RNF180: variants seen among roughly 807,000 people sequenced by gnomAD.
RNF180 encodes E3 ubiquitin-protein ligase RNF180.
RNF180 carries 38 observed loss-of-function variants against 59.2 expected under a neutral mutation model. The ratio of observed to expected loss-of-function variants is 0.64; its 90% confidence interval spans 0.50 to 0.84. The LOEUF is 0.84. Ranked by LOEUF, RNF180 falls within the 40% of genes least tolerant of loss-of-function variation. The probability of loss-of-function intolerance (pLI) is 0.00; values close to 1 mark genes in which losing one functional copy is unlikely to be tolerated. For missense variants in RNF180, 705 were observed against 700.9 expected, an observed-to-expected ratio of 1.01 and a Z score of -0.07; for synonymous variants, 262 against 240.3, an observed-to-expected ratio of 1.09 and a Z score of -0.84.
chr5:64,272,668 A>G (rs1454427179), intron 5 of RNF180, among the ~76,000 whole-genome samples: 1 of 152,054 alleles, frequency 6.6e-6, no homozygotes, highest in African/African-American at 2.4e-5. Context: ...AGCTTATTGA[A>G]GTAGTCCAAG....
chr5:64,323,714 G>A (rs978312004), intron 5 of RNF180, among the ~76,000 whole-genome samples: 10 of 152,066 alleles, frequency 6.6e-5, no homozygotes, highest in Admixed American at 1.3e-4. Flanking sequence ...AAGTATGGCC[G>A]TGGCTAACAT....
chr5:64,291,035 A>C (rs552646947), intron 5 of RNF180, among the ~76,000 whole-genome samples: 1 of 152,308 alleles, frequency 6.6e-6, no homozygotes, highest in African/African-American at 2.4e-5. Context: ...TGGTGGTGAC[A>C]AATTCCCTCA....
Position 64,214,252 on chromosome 5 carries a change from A to G in RNF180, c.926A>G (p.Glu309Gly), listed in dbSNP as rs1267919319. ...PHETQTQRGG[E>G]FQCGLEAASV... is the part of the protein sequence containing the mutation. ...GAGACCCAGACACAAAGAGGAGGAG[A>G]ATTTCAGTGTGGTCTAGAAGCTGCT... Residue 309 changes from glutamate to glycine, a missense_variant, in exon 4 of 8, where the codon GAA becomes GGA. Physicochemically the swap from Glu to Gly is moderately conservative, Grantham distance 98. Coordinates refer to ENST00000389100, the MANE Select transcript of RNF180 (RefSeq NM_001113561.2). 2.5e-6 allele frequency: 4 copies of G among 1,613,998 alleles called. No homozygotes were observed. The highest frequency in any genetic ancestry group is 3.3e-5 in the Admixed American group (2 of 59,940).
intron 5 of RNF180, among the ~76,000 whole-genome samples, chr5:64,318,496 G>A (rs974733113): frequency 5.3e-5 from 8 of 151,858 alleles, no homozygotes; most frequent in Non-Finnish European, 8.8e-5. Flanking sequence ...TCAGGTAAAT[G>A]GTAAATGAAA....
intron 7 of RNF180, among the ~76,000 whole-genome samples, chr5:64,344,435 G>A (rs6449717): frequency 1 from 152,089 of 152,302 alleles, 75,942 homozygotes; most frequent in Non-Finnish European, 1. Flanking sequence ...CAAAATATAT[G>A]AAACAAAGGT....
chr5:64,342,846 A>AGAT (rs1238253712), intron 7 of RNF180, among the ~76,000 whole-genome samples: 2 of 152,164 alleles, frequency 1.3e-5, no homozygotes, highest in African/African-American at 4.8e-5. Flanking sequence ...AGTGCTTTGG[A>AGAT]GATAAAGTCC....
At chr5:64,358,855 G>A (rs1232578585) in intron 7 of RNF180, among the ~76,000 whole-genome samples, 2 of 144,422 alleles carry the variant, frequency 1.4e-5, no homozygotes, top group African/African-American at 2.6e-5. Flanking sequence ...TCATTGTTCA[G>A]TTCCCACCTA....
At chr5:64,261,939 T>G (rs1228736109) in intron 5 of RNF180, among the ~76,000 whole-genome samples, 5 of 152,094 alleles carry the variant, frequency 3.3e-5, no homozygotes, top group Non-Finnish European at 5.9e-5. Context: ...TGGGGAAGCT[T>G]TAGGAGTTAA....
At chr5:64,320,865 T>A (rs751417793) in intron 5 of RNF180, among the ~76,000 whole-genome samples, 31 of 152,192 alleles carry the variant, frequency 2.0e-4, no homozygotes, top group Non-Finnish European at 3.5e-4. Context: ...GGTGAAACCC[T>A]GTCTCTACTA....
At chr5:64,297,165 C>CATTAA (rs1163592073) in intron 5 of RNF180, among the ~76,000 whole-genome samples, 1 of 152,006 alleles carries the variant, frequency 6.6e-6, no homozygotes, top group East Asian at 1.9e-4. Flanking sequence ...TTATTAGTCT[C>CATTAA]ATTAAATGGT....
chr5:64,267,345 T>C (rs1324373639), intron 5 of RNF180, among the ~76,000 whole-genome samples: 1 of 151,758 alleles, frequency 6.6e-6, no homozygotes, highest in East Asian at 1.9e-4. Flanking sequence ...TTCTTTTATT[T>C]ATTTATTTAT....
At chr5:64,242,857 T>A (rs1403523445) in intron 5 of RNF180, among the ~76,000 whole-genome samples, 1 of 152,056 alleles carries the variant, frequency 6.6e-6, no homozygotes, top group African/African-American at 2.4e-5. Context: ...ACACAGAAGG[T>A]GGGTGATTTC....
chr5:64,363,254 T>A (rs949022506), intron 7 of RNF180, among the ~76,000 whole-genome samples: 1 of 151,600 alleles, frequency 6.6e-6, no homozygotes, highest in African/African-American at 2.4e-5. Context: ...TTTAACCCAT[T>A]TGAATTGATT....
intron 7 of RNF180, among the ~76,000 whole-genome samples, chr5:64,357,227 A>C (rs1252861155): frequency 6.6e-6 from 1 of 151,850 alleles, no homozygotes; most frequent in East Asian, 1.9e-4. Context: ...ATGAAATTTA[A>C]AATCTATTTT....
At chr5:64,185,845 A>G (rs1169066899) in intron 1 of RNF180, among the ~76,000 whole-genome samples, 1 of 152,234 alleles carries the variant, frequency 6.6e-6, no homozygotes, top group Non-Finnish European at 1.5e-5. Context: ...ACATAAGTAC[A>G]ACATAAAGGC....
chr5:64,308,500 T>A (rs1389688699), intron 5 of RNF180, among the ~76,000 whole-genome samples: 2 of 151,740 alleles, frequency 1.3e-5, no homozygotes, highest in Non-Finnish European at 2.9e-5. Context: ...TATATATTGA[T>A]TATTTCACAA....
intron 5 of RNF180, among the ~76,000 whole-genome samples, chr5:64,247,848 AC>A (rs377529652): frequency 2.0e-5 from 3 of 152,212 alleles, no homozygotes; most frequent in African/African-American, 7.2e-5. Flanking sequence ...ACGCTACCTG[AC>A]TTTAAACCAT....
chr5:64,247,606 G>A (rs969550822), intron 5 of RNF180, among the ~76,000 whole-genome samples: 10 of 152,176 alleles, frequency 6.6e-5, no homozygotes, highest in Non-Finnish European at 1.3e-4. Flanking sequence ...ATGGACATAA[G>A]AGAGGACACA....
intron 7 of RNF180, among the ~76,000 whole-genome samples, chr5:64,336,709 A>G (rs1214094123): frequency 6.6e-6 from 1 of 152,190 alleles, no homozygotes; most frequent in Non-Finnish European, 1.5e-5. Context: ...AGCCTTTCAG[A>G]TGCCTCTTTT....
Sources: allele counts gnomAD v4.1 joint callset (sites outside exome capture counted in the v4.1 genomes callset), GRCh38; gene constraint gnomAD v4.1.1; transcripts MANE v1.5; gene names NCBI Gene and HGNC (gene_info 2026-07-23, HGNC 2026-07-21).